The following DZANK1 variants were observed in gnomAD, a reference collection of about 807,000 sequenced individuals.
DZANK1 encodes the protein double zinc ribbon and ankyrin repeat domains 1.
DZANK1 carries 91 observed loss-of-function variants against 94.5 expected under a neutral mutation model. That is an observed-to-expected ratio of 0.96 (90% CI 0.81 to 1.15). DZANK1 has a LOEUF of 1.15. DZANK1 is among the 50% of genes most tolerant of loss of function. The pLI is 0.00. For synonymous variants in DZANK1, 312 were observed against 325.3 expected (o/e 0.96, Z 0.44); for missense variants, 903 against 916.4 (o/e 0.99, Z 0.19).
intron 10 of DZANK1, among the ~76,000 whole-genome samples, chr20:18,416,259 A>C (rs1179639571): frequency 1.3e-5 from 2 of 152,118 alleles, no homozygotes; most frequent in Non-Finnish European, 2.9e-5. Context: ...CTTCAATACA[A>C]TAGCTTACTC....
chr20:18,430,567 A>G (rs930178700), intron 9 of DZANK1, among the ~76,000 whole-genome samples: 3 of 152,190 alleles, frequency 2.0e-5, no homozygotes, highest in Admixed American at 6.5e-5. Flanking sequence ...GTAATCCCAG[A>G]ACCTTGGGAG....
intron 8 of DZANK1, among the ~76,000 whole-genome samples, chr20:18,435,877 T>C (rs80249649): frequency 2.6e-5 from 4 of 151,988 alleles, no homozygotes; most frequent in Non-Finnish European, 5.9e-5. Context: ...CTAGTGGCCA[T>C]GCCTTGCAGG....
chr20:18,404,369 G>C (rs2056847588), intron 13 of DZANK1, among the ~76,000 whole-genome samples: 1 of 152,138 alleles, frequency 6.6e-6, no homozygotes, highest in Non-Finnish European at 1.5e-5. Flanking sequence ...AAGAGACAAA[G>C]AGAGCCCTGC....
chr20:18,428,071 A>AC (rs1466631767), intron 9 of DZANK1, among the ~76,000 whole-genome samples: 2 of 150,254 alleles, frequency 1.3e-5, no homozygotes, highest in African/African-American at 2.4e-5. Context: ...GAATGGTGTG[A>AC]ACCCGGGAGG....
At chr20:18,459,410 G>A (rs969680281) in intron 3 of DZANK1, among the ~76,000 whole-genome samples, 13 of 152,244 alleles carry the variant, frequency 8.5e-5, no homozygotes, top group African/African-American at 3.1e-4. Context: ...CAGTCAGTGG[G>A]GGGTGGGGCT....
intron 16 of DZANK1, 45 bp from the exon 17 acceptor site, chr20:18,393,856 C>G: frequency 8.0e-7 from 1 of 1,246,968 alleles, no homozygotes; most frequent in South Asian, 1.2e-5. Context: ...CCTCCCCCAA[C>G]TCCCCACACA....
At chr20:18,439,889 T>A (rs1601048581) in intron 8 of DZANK1, among the ~76,000 whole-genome samples, 2 of 152,160 alleles carry the variant, frequency 1.3e-5, no homozygotes, top group East Asian at 3.9e-4. Flanking sequence ...GACTAAACTG[T>A]GCCCCCCAGA....
intron 7 of DZANK1, among the ~76,000 whole-genome samples, chr20:18,448,093 C>T (rs1327555076): frequency 6.6e-6 from 1 of 152,148 alleles, no homozygotes; most frequent in East Asian, 1.9e-4. Flanking sequence ...CAAATGTTCA[C>T]AGCAACTTTA....
At chr20:18,453,731 C>T (rs2059186764) in exon 5 of DZANK1, 1 of 1,606,716 alleles carries the variant, frequency 6.2e-7, no homozygotes. Context: ...CACATCATAC[C>T]TGGAAACTTT....
At chr20:18,450,441 AAGTGGTGGTCT>A (rs1384945367) in intron 6 of DZANK1, among the ~76,000 whole-genome samples, 2 of 152,234 alleles carry the variant, frequency 1.3e-5, no homozygotes, top group African/African-American at 4.8e-5. Flanking sequence ...AGAAGTCTCA[AAGTGGTGGTCT>A]ATTAGGCAAA....
intron 19 of DZANK1, 23 bp from the exon 20 acceptor site, chr20:18,385,113 G>C (rs1184595927): frequency 6.4e-7 from 1 of 1,550,478 alleles, no homozygotes; most frequent in East Asian, 2.4e-5. Context: ...GAAAAATCCT[G>C]GATAAATCCT....
At chr20:18,437,000 G>A (rs148662568) in intron 8 of DZANK1, among the ~76,000 whole-genome samples, 47 of 152,238 alleles carry the variant, frequency 3.1e-4, no homozygotes, top group African/African-American at 1.1e-3. Flanking sequence ...GAGAGAAATG[G>A]CTATCAGGCA....
chr20:18,462,698 A>G (rs2059510563), intron 2 of DZANK1, among the ~76,000 whole-genome samples: 1 of 152,172 alleles, frequency 6.6e-6, no homozygotes, highest in Admixed American at 6.6e-5. Flanking sequence ...AAATTTCTCA[A>G]AGAAATAAGA....
exon 21 of DZANK1, chr20:18,384,247 C>T (rs903207723): frequency 4.4e-5 from 30 of 684,390 alleles, no homozygotes; most frequent in Middle Eastern, 8.4e-4. Flanking sequence ...TTAGTAGAGA[C>T]GGGGTTTCTC....
chr20:18,405,616 A>G (rs1341662362), intron 13 of DZANK1, among the ~76,000 whole-genome samples: 1 of 152,252 alleles, frequency 6.6e-6, no homozygotes, highest in Non-Finnish European at 1.5e-5. Flanking sequence ...AAGCTCAAAA[A>G]GCTGGAGGTG....
At chr20:18,388,289 A>G (rs1224630633) in intron 19 of DZANK1, among the ~76,000 whole-genome samples, 2 of 152,220 alleles carry the variant, frequency 1.3e-5, no homozygotes, top group Non-Finnish European at 2.9e-5. Context: ...AGACAGGTAT[A>G]ACCGCAGTGT....
At chr20:18,384,369 CTTAAATGAA>C (rs2048351257) in exon 21 of DZANK1, 1 of 1,586,328 alleles carries the variant, frequency 6.3e-7, no homozygotes, top group Non-Finnish European at 8.6e-7. Flanking sequence ...TGCACGTATT[CTTAAATGAA>C]GTCCCGTGGA....
At chr20:18,414,218 G>T in intron 12 of DZANK1, 130 bp downstream of exon 12, 1 of 1,087,312 alleles carries the variant, frequency 9.2e-7, no homozygotes, top group Non-Finnish European at 1.3e-6. Context: ...TACACACCTA[G>T]TTGAAATTCC....
In DZANK1 at chr20:18,415,260, T is replaced by A. The variant is rs144327984; in HGVS notation, c.1077+67A>T. The A allele has an allele frequency of 1.6e-3, 2,083 of 1,330,560 alleles. 32 individuals are homozygous for A. In the African/African-American group the frequency reaches 0.028, roughly 18 times the overall value. The allele number at this position is 1,330,560 out of a possible 1,614,324, so 82.4% of individuals were successfully genotyped here. Reference sequence around the variant, plus strand: ...GATTTCTGCAAGGCCATGGAAGAAGTGCCTGGCTCTCTCCAGGCCAGTGGT... The same window carrying A: ...GATTTCTGCAAGGCCATGGAAGAAGAGCCTGGCTCTCTCCAGGCCAGTGGT... On this transcript the variant is annotated intron_variant, in intron 11 of 20. Coordinates refer to ENST00000262547, the Ensembl canonical transcript of DZANK1.
Sources: allele counts gnomAD v4.1 joint callset (sites outside exome capture counted in the v4.1 genomes callset), GRCh38; gene constraint gnomAD v4.1.1; transcripts MANE v1.5; gene names NCBI Gene and HGNC (gene_info 2026-07-23, HGNC 2026-07-21).